Variants in IL21 observed in about 807,000 individuals in gnomAD.
IL21 encodes the protein interleukin 21.
IL21 carries 3 observed loss-of-function variants against 18.4 expected under a neutral mutation model. The ratio of observed to expected loss-of-function variants is 0.16; its 90% CI spans 0.07 to 0.42. The LOEUF (loss-of-function observed/expected upper bound fraction) is 0.42, where lower values mean the gene tolerates loss of function less well. IL21 is among the 10% of genes least tolerant of loss of function. IL21 has a pLI of 0.99. For missense variants in IL21, 130 were observed against 188.4 expected, an observed-to-expected ratio of 0.69 and a Z score of 1.81; for synonymous variants, 37 against 62.0, an observed-to-expected ratio of 0.60 and a Z score of 1.90.
chr4:122,614,102 G>T (rs77527442), intron 3 of IL21, among the ~76,000 whole-genome samples: 1 of 152,136 alleles, frequency 6.6e-6, no homozygotes, highest in South Asian at 2.1e-4. Flanking sequence ...GTAGATATAC[G>T]TTCTAATTCT....
chr4:122,616,295 A>G (rs1052147291), intron 2 of IL21, among the ~76,000 whole-genome samples: 1 of 152,168 alleles, frequency 6.6e-6, no homozygotes, highest in African/African-American at 2.4e-5. Flanking sequence ...ACATGTCTTG[A>G]GCAGCATTTT....
At chr4:122,612,964 A>C (rs1269961991) in intron 3 of IL21, 36 bp from the exon 4 acceptor site, 2 of 1,359,322 alleles carry the variant, frequency 1.5e-6, no homozygotes, top group Non-Finnish European at 2.0e-6. Flanking sequence ...TCTTCTTTAA[A>C]ATTTTTTTCG....
At chr4:122,615,527 TAA>T (rs10530157) in intron 3 of IL21, among the ~76,000 whole-genome samples, 153 bp downstream of exon 3, 8 of 143,220 alleles carry the variant, frequency 5.6e-5, no homozygotes, top group Admixed American at 6.9e-5. Context: ...GACTCTGTCT[TAA>T]AAAAAAAAAA....
At chr4:122,619,005 CA>C (rs1337387078) in intron 2 of IL21, 1 of 151,930 alleles carries the variant, frequency 6.6e-6, no homozygotes, top group Non-Finnish European at 1.5e-5. Flanking sequence ...ATTCTACCTC[CA>C]AGTGTGACAA....
At chr4:122,618,634 G>A (rs545246530) in intron 2 of IL21, among the ~76,000 whole-genome samples, 34 of 151,712 alleles carry the variant, frequency 2.2e-4, no homozygotes, top group South Asian at 1.0e-3. Context: ...GTGAAACCCC[G>A]TCTCTACTAA....
chr4:122,611,297 G>A lies in IL21; in HGVS notation c.*1413C>T, dbSNP rs1246195790. 2.0e-5 allele frequency among the ~76,000 whole-genome samples: 3 copies of A among 151,746 alleles called. No homozygotes were observed. Among genetic ancestry groups the A allele is most frequent in the South Asian group, 4.2e-4 (2 of 4,812 alleles). On this transcript the variant is annotated 3_prime_UTR_variant, in exon 5 of 5. Transcript: ENST00000648588. ...ATAAATTTTTTTTTCTTTTTTCTGAGTCTACTTGCTGATGATAAAACATTT... is the reference window on the plus strand; with the variant it reads ...ATAAATTTTTTTTTCTTTTTTCTGAATCTACTTGCTGATGATAAAACATTT...
At chr4:122,613,347 C>CTTTTT (rs34061725) in intron 3 of IL21, among the ~76,000 whole-genome samples, 33 of 94,948 alleles carry the variant, frequency 3.5e-4, no homozygotes, top group African/African-American at 9.5e-4. Flanking sequence ...TTGCATCTAA[C>CTTTTT]TTTTTTTTTT....
Position 122,618,369 on chromosome 4 carries a change from A to G in IL21, c.204+2332T>C, listed in dbSNP as rs368404922. Among the ~76,000 whole-genome samples, 241 of 151,758 alleles carry G rather than the reference A, an allele frequency of 1.6e-3. 2 individuals are homozygous for G. The highest frequency in any genetic ancestry group is 5.3e-3 in the African/African-American group (221 of 41,348). On this transcript the variant is annotated intron_variant, in intron 2 of 4. Coordinates refer to ENST00000648588, the MANE Select transcript of IL21 (RefSeq NM_021803.4). ...CTCTTGACCTCAAGCAATCCTCCAA[A>G]CTTGGCTTCCCAAAAGGATTACAGG...
At chr4:122,613,595 G>A (rs1315727678) in intron 3 of IL21, among the ~76,000 whole-genome samples, 2 of 151,906 alleles carry the variant, frequency 1.3e-5, no homozygotes, top group African/African-American at 4.8e-5. Context: ...CAGGTGATCC[G>A]CCTGCCTCGG....
chr4:122,610,153 C>G lies in IL21; in HGVS notation c.*2557G>C, dbSNP rs1437725444. Among the ~76,000 whole-genome samples the G allele has an allele frequency of 6.6e-6, 1 of 151,786 alleles. No homozygotes were observed. The highest frequency in any genetic ancestry group is 1.5e-5 in the Non-Finnish European group (1 of 67,994). On this transcript the variant is annotated 3_prime_UTR_variant, in exon 5 of 5. Coordinates refer to ENST00000648588, the MANE Select transcript of IL21 (RefSeq NM_021803.4). ...ATATGATCAGGTCTTAAATAAGAAGCCATAAACATGAACATTTAAAATCAA... is the reference window on the plus strand; with the variant it reads ...ATATGATCAGGTCTTAAATAAGAAGGCATAAACATGAACATTTAAAATCAA...
intron 2 of IL21, among the ~76,000 whole-genome samples, chr4:122,617,403 T>C (rs1799351134): frequency 6.6e-6 from 1 of 152,152 alleles, no homozygotes; most frequent in Admixed American, 6.5e-5. Flanking sequence ...AAACTGAAAA[T>C]ACTGACTGCT....
chr4:122,615,886 G>A (rs1270539206), intron 2 of IL21, 49 bp from the exon 3 acceptor site: 20 of 1,472,524 alleles, frequency 1.4e-5, no homozygotes, highest in Non-Finnish European at 1.9e-5. Flanking sequence ...TATTCAGAAA[G>A]TAAAAGATAG....
intron 3 of IL21, among the ~76,000 whole-genome samples, chr4:122,613,316 T>C (rs2150685095): frequency 6.6e-6 from 1 of 151,718 alleles, no homozygotes; most frequent in South Asian, 2.1e-4. Context: ...ATGCAACTCT[T>C]ACTATTTTTG....
intron 3 of IL21, among the ~76,000 whole-genome samples, chr4:122,613,824 TGGA>T (rs1799298387): frequency 6.6e-6 from 1 of 152,226 alleles, no homozygotes; most frequent in Non-Finnish European, 1.5e-5. Context: ...TCTTTTCACT[TGGA>T]GCATTCTTAT....
At chr4:122,615,356 C>A (rs1799321879) in intron 3 of IL21, among the ~76,000 whole-genome samples, 1 of 152,100 alleles carries the variant, frequency 6.6e-6, no homozygotes, top group African/African-American at 2.4e-5. Flanking sequence ...CCTGTCTTTA[C>A]TAAAAATACA....
In IL21 at chr4:122,610,269, A is replaced by G. The variant is rs1163200849; in HGVS notation, c.*2441T>C. On this transcript the variant is annotated 3_prime_UTR_variant, in exon 5 of 5. Transcript: ENST00000648588. ...TATGTAAATACAACAGAGCAATAAT[A>G]TAGAATAATAATGCTACAATTTTAT... 6.6e-6 allele frequency among the ~76,000 whole-genome samples: 1 copy of G among 152,228 alleles called. No individual in the cohort carries two copies. Among genetic ancestry groups the G allele is most frequent in the African/African-American group, 2.4e-5 (1 of 41,456 alleles).
chr4:122,614,089 A>G (rs1272305781), intron 3 of IL21, among the ~76,000 whole-genome samples: 1 of 152,214 alleles, frequency 6.6e-6, no homozygotes. Context: ...TCACTAAAAG[A>G]TAGTAGATAT....
chr4:122,617,814 C>T (rs1031704528), intron 2 of IL21, among the ~76,000 whole-genome samples: 3 of 152,076 alleles, frequency 2.0e-5, no homozygotes, highest in Non-Finnish European at 2.9e-5. Context: ...TAAATAACTG[C>T]GGGAATTGGC....
chr4:122,613,040 G>A (rs1006432793), intron 3 of IL21, 112 bp from the exon 4 acceptor site: 15 of 649,580 alleles, frequency 2.3e-5, no homozygotes, highest in East Asian at 8.3e-5. Flanking sequence ...AAAAACATTC[G>A]AGAAGTACAT....
Sources: gnomAD v4.1 joint callset for allele counts (sites outside exome capture counted in the v4.1 genomes callset) on GRCh38, gnomAD v4.1.1 for gene constraint, MANE v1.5 for transcripts, NCBI Gene and HGNC (gene_info 2026-07-23, HGNC 2026-07-21) for gene names.